LCOR: variants seen among roughly 807,000 people sequenced by gnomAD.
The protein encoded by LCOR is ligand dependent nuclear receptor corepressor.
A neutral mutation model predicts 64.4 loss-of-function variants in LCOR; 14 were observed. The ratio of observed to expected loss-of-function variants is 0.22; its 90% CI spans 0.14 to 0.34. LCOR has a LOEUF of 0.34. LCOR is among the 10% of genes least tolerant of loss of function. LCOR has a pLI of 1.00. For synonymous variants in LCOR, 643 were observed against 642.5 expected, an observed-to-expected ratio of 1.00 and a Z score of -0.01; for missense variants, 1,686 against 1,765.3, an observed-to-expected ratio of 0.96 and a Z score of 0.80.
Position 96,993,888 on chromosome 10 carries a change from T to C in LCOR, c.*8754T>C, listed in dbSNP as rs941112726. 6.6e-6 allele frequency: 1 copy of C among 152,052 alleles called. No individual in the cohort carries two copies. Among genetic ancestry groups the C allele is most frequent in the African/African-American group, 2.4e-5 (1 of 41,386 alleles). 9.4% of individuals were successfully genotyped at this position (152,052 alleles called of 1,614,324 possible). On this transcript the variant is annotated 3_prime_UTR_variant, in exon 8 of 8. Transcript: ENST00000421806. Reference sequence around the variant, plus strand: ...CAATAAGATCCTAGGTAATAACATTTATTCCAGGGCCCACATTGGCCCTTG... The same window carrying C: ...CAATAAGATCCTAGGTAATAACATTCATTCCAGGGCCCACATTGGCCCTTG...
intron 2 of LCOR, among the ~76,000 whole-genome samples, chr10:96,887,475 A>G (rs1033424577): frequency 1.3e-5 from 2 of 151,688 alleles, no homozygotes; most frequent in African/African-American, 4.8e-5. Context: ...AGGCAGGAGA[A>G]TGGCGTGAAC....
Position 96,906,020 on chromosome 10 carries a change from C to CT in LCOR, c.-329-1241dup, listed in dbSNP as rs1212023893. ...TTTCTACCCCCTTACCTTCTAAATCCTTTTCTGTGGTTGTATTTGTGGTCA... is the reference window on the plus strand; with the variant it reads ...TTTCTACCCCCTTACCTTCTAAATCCTTTTTCTGTGGTTGTATTTGTGGTCA... On this transcript the variant is annotated intron_variant, in intron 2 of 7. Coordinates refer to ENST00000421806, the MANE Select transcript of LCOR (RefSeq NM_001346516.2). 2.6e-5 allele frequency among the ~76,000 whole-genome samples: 4 copies of CT among 152,080 alleles called. No individual in the cohort carries two copies. In the East Asian group the frequency reaches 7.7e-4, roughly 29 times the overall value.
At chr10:96,899,254 A>C (rs1846593193) in intron 2 of LCOR, among the ~76,000 whole-genome samples, 1 of 152,112 alleles carries the variant, frequency 6.6e-6, no homozygotes, top group Admixed American at 6.5e-5. Flanking sequence ...AGGATTGGAG[A>C]GTTATAAGTA....
chr10:96,965,524 T>C (rs1238105709), intron 7 of LCOR, among the ~76,000 whole-genome samples: 1 of 149,810 alleles, frequency 6.7e-6, no homozygotes, highest in African/African-American at 2.4e-5. Context: ...TAGCCGGGCG[T>C]GGTGGCGGGC....
intron 4 of LCOR, among the ~76,000 whole-genome samples, chr10:96,934,936 C>G (rs1383702126): frequency 6.6e-6 from 1 of 151,876 alleles, no homozygotes; most frequent in African/African-American, 2.4e-5. Flanking sequence ...TAGTTTTATG[C>G]CAACAACTTG....
intron 2 of LCOR, among the ~76,000 whole-genome samples, chr10:96,878,397 C>T (rs1362065123): frequency 3.3e-5 from 5 of 152,080 alleles, no homozygotes; most frequent in Non-Finnish European, 7.3e-5. Flanking sequence ...GTGATTAGGA[C>T]TGTAAATATA....
chr10:96,845,682 T>C (rs1356614634), intron 2 of LCOR, among the ~76,000 whole-genome samples: 2 of 151,206 alleles, frequency 1.3e-5, no homozygotes, highest in Admixed American at 6.6e-5. Flanking sequence ...TTAGCCAGGA[T>C]GATGTCGATC....
At chr10:96,891,278 A>G (rs1424389173) in intron 2 of LCOR, among the ~76,000 whole-genome samples, 2 of 151,862 alleles carry the variant, frequency 1.3e-5, no homozygotes, top group African/African-American at 2.4e-5. Context: ...TAGATTATCT[A>G]ATTTGTTGGC....
chr10:96,839,089 T>C (rs1412689720), intron 2 of LCOR, among the ~76,000 whole-genome samples: 1 of 152,190 alleles, frequency 6.6e-6, no homozygotes, highest in African/African-American at 2.4e-5. Flanking sequence ...TTATATTTCA[T>C]TGTGGTTTTG....
chr10:96,952,030 C>T, intron 6 of LCOR, 73 bp from the exon 7 acceptor site: 2 of 1,062,522 alleles, frequency 1.9e-6, no homozygotes, highest in Non-Finnish European at 2.9e-6. Context: ...ACTGCTTTTT[C>T]ATTTTTAGCC....
At chr10:96,867,145 C>T (rs1845988272) in intron 2 of LCOR, among the ~76,000 whole-genome samples, 1 of 152,122 alleles carries the variant, frequency 6.6e-6, no homozygotes, top group South Asian at 2.1e-4. Flanking sequence ...CTCCCCTCAG[C>T]CTCCCAAAGT....
intron 2 of LCOR, among the ~76,000 whole-genome samples, chr10:96,873,710 C>T (rs1041563619): frequency 6.6e-6 from 1 of 150,876 alleles, no homozygotes; most frequent in African/African-American, 2.4e-5. Flanking sequence ...TCAAGCGATT[C>T]TCCTGCCTCA....
Position 96,879,195 on chromosome 10 carries a change from C to T in LCOR, c.-329-28070C>T, listed in dbSNP as rs866342385. 3.3e-5 allele frequency among the ~76,000 whole-genome samples: 5 copies of T among 152,210 alleles called. No individual in the cohort carries two copies. The East Asian group carries it at 5.8e-4, about 18-fold the overall frequency. ...TCAATTTATTTAGTCCTAATAAAAA[C>T]AGTGAAATATATTGTCATACATGAT... On this transcript the variant is annotated intron_variant, in intron 2 of 7. Coordinates refer to ENST00000421806, the MANE Select transcript of LCOR (RefSeq NM_001346516.2).
At chr10:96,945,185 T>A (rs1429295897) in intron 5 of LCOR, among the ~76,000 whole-genome samples, 2 of 152,160 alleles carry the variant, frequency 1.3e-5, no homozygotes, top group Non-Finnish European at 2.9e-5. Context: ...TAATAATTCT[T>A]CATATGTTCT....
In LCOR at chr10:96,983,719, G is replaced by A. The variant is rs374265593; in HGVS notation, c.3259G>A (p.Asp1087Asn). ...GAGTGGAGACCCCCTAGATGAGGAC[G>A]ATGTTGACACCGTGGTAGATGAACA... ...SESGDPLDED[D>N]VDTVVDEQPK... Residue 1087 changes from aspartate (D) to asparagine (N), a missense_variant, in exon 8 of 8, where the codon GAT becomes AAT. Asp to Asn is a conservative substitution (Grantham distance 23). Transcript: ENST00000421806. This position sits in a 1 kb window ranked among gnomAD's most constrained non-coding sequence, Gnocchi z 4.5. The A allele has an allele frequency of 6.8e-6, 11 of 1,614,170 alleles. No individual in the cohort carries two copies. Among genetic ancestry groups the A allele is most frequent in the East Asian group, 6.7e-5 (3 of 44,878 alleles).
Position 96,832,358 on chromosome 10 carries a change from A to G in LCOR, c.-445A>G, listed in dbSNP as rs1162126985. ...TCCGTTGAGAGACGCGGCTTTCGGC[A>G]AGAACTGGATTCGTGGCGCCACAAG... On this transcript the variant is annotated 5_prime_UTR_variant, in exon 1 of 8. Transcript: ENST00000421806. 4 of 984,780 alleles carry G rather than the reference A, an allele frequency of 4.1e-6. No individual in the cohort carries two copies. The highest frequency in any genetic ancestry group is 4.8e-6 in the Non-Finnish European group (4 of 829,678). 61.0% of individuals were successfully genotyped at this position (984,780 alleles called of 1,614,324 possible).
chr10:96,950,348 G>A lies in LCOR; in HGVS notation c.238+1053G>A, dbSNP rs1376216098. Among the ~76,000 whole-genome samples, 3 of 152,210 alleles carry A rather than the reference G, an allele frequency of 2.0e-5. No individual in the cohort carries two copies. The East Asian group carries it at 5.8e-4, about 29-fold the overall frequency. ...TGAGTTCTGAGAGATTTCTTGACAGGAGACCTCCTACTTGTTCACATTGCT... is the reference window on the plus strand; with the variant it reads ...TGAGTTCTGAGAGATTTCTTGACAGAAGACCTCCTACTTGTTCACATTGCT... On this transcript the variant is annotated intron_variant, in intron 6 of 7. Coordinates refer to ENST00000421806, the MANE Select transcript of LCOR (RefSeq NM_001346516.2).
At chr10:96,926,581 A>G (rs1847171391) in intron 4 of LCOR, among the ~76,000 whole-genome samples, 1 of 152,168 alleles carries the variant, frequency 6.6e-6, no homozygotes, top group Admixed American at 6.5e-5. Flanking sequence ...ATTTATGTAC[A>G]ATAAAATTCA....
rs142439389 is a variant in LCOR at position 96,985,096 on chromosome 10, T to C, written c.4636T>C (p.Cys1546Arg). ...RKRKLKAKLDCSHSKRRRLDA... is the reference protein window; with the variant it reads ...RKRKLKAKLDRSHSKRRRLDA... ...GCGAAAGCTGAAGGCAAAGCTGGAC[T>C]GTTCGCACAGCAAACGGAGGCGGCT... is the stretch of plus-strand genomic sequence containing the variant. Residue 1546 changes from cysteine (C) to arginine (R), a missense_variant, in exon 8 of 8, where the codon TGT (cysteine) becomes CGT (arginine). Cys to Arg is a radical substitution (Grantham distance 180). This residue lies in a region of LCOR where 1,293 missense variants were observed against 1,410.4 expected (regional missense o/e 0.92). Coordinates refer to ENST00000421806, the MANE Select transcript of LCOR (RefSeq NM_001346516.2). The C allele has an allele frequency of 1.5e-4, 247 of 1,606,162 alleles. No homozygotes were observed. The African/African-American group carries it at 3.0e-3, about 20-fold the overall frequency.
Sources: allele counts gnomAD v4.1 joint callset (sites outside exome capture counted in the v4.1 genomes callset), GRCh38; gene constraint gnomAD v4.1.1; regional missense constraint gnomAD v4.1.1; non-coding constraint Gnocchi (gnomAD v3.1); transcripts MANE v1.5; gene names NCBI Gene and HGNC (gene_info 2026-07-23, HGNC 2026-07-21).